Variants in NBPF26 observed in about 807,000 individuals in gnomAD.
The protein encoded by NBPF26 is NBPF member 26.
A neutral mutation model predicts 119.6 loss-of-function variants in NBPF26; 79 were observed. That is an observed-to-expected ratio of 0.66 (90% CI 0.55 to 0.80). NBPF26 has a LOEUF of 0.80. Ranked by LOEUF, NBPF26 falls within the 30% of genes least tolerant of loss-of-function variation. The probability of loss-of-function intolerance (pLI) is 0.00; values close to 1 mark genes in which losing one functional copy is unlikely to be tolerated. For synonymous variants in NBPF26, 299 were observed against 457.7 expected (o/e 0.65, Z 4.43); for missense variants, 800 against 1,198.2 (o/e 0.67, Z 4.91).
chr1:120,752,556 T>G (rs1248295723), intron 1 of NBPF26, among the ~76,000 whole-genome samples: 6 of 8,152 alleles, frequency 7.4e-4, no homozygotes, highest in African/African-American at 2.8e-3. Context: ...ATATATATAT[T>G]TTTTTTTTTT....
chr1:120,761,000 C>T (rs1242141860), intron 1 of NBPF26, among the ~76,000 whole-genome samples: 2 of 125,876 alleles, frequency 1.6e-5, no homozygotes, highest in Non-Finnish European at 3.3e-5. Context: ...AGAACCATGG[C>T]TCAGTAAATG....
At chr1:120,813,577 G>T (rs1453987173) in intron 10 of NBPF26, among the ~76,000 whole-genome samples, 7 of 125,202 alleles carry the variant, frequency 5.6e-5, no homozygotes, top group South Asian at 2.4e-4. Flanking sequence ...AGGCTGCAAG[G>T]CTTGGGAAAG....
intron 1 of NBPF26, among the ~76,000 whole-genome samples, chr1:120,735,189 G>T (rs1455292211): frequency 1.6e-5 from 1 of 64,200 alleles, no homozygotes; most frequent in Non-Finnish European, 2.9e-5. Context: ...TCAGCCTCCC[G>T]AGTAGCTGGA....
At chr1:120,802,197 C>G (rs2101482662) in intron 4 of NBPF26, among the ~76,000 whole-genome samples, 1 of 121,934 alleles carries the variant, frequency 8.2e-6, no homozygotes, top group East Asian at 2.0e-4. Context: ...GACTGCACAT[C>G]TGAGTCATGT....
intron 1 of NBPF26, among the ~76,000 whole-genome samples, chr1:120,759,109 G>A (rs1215042905): frequency 6.7e-5 from 5 of 74,552 alleles, no homozygotes; most frequent in South Asian, 3.8e-4. Context: ...TGTGCCTGCC[G>A]ATAGTAGATG....
chr1:120,806,642 G>T lies in NBPF26; in HGVS notation c.961+877G>T, dbSNP rs1210579569. On this transcript the variant is annotated intron_variant, in intron 5 of 29. Coordinates refer to ENST00000620612, the Ensembl canonical transcript of NBPF26. ...AAATCAAAAATAAAAATAAAAAGCAGAGAGTACCTTGGTGAGAGTGAAGTC... is the reference window on the plus strand; with the variant it reads ...AAATCAAAAATAAAAATAAAAAGCATAGAGTACCTTGGTGAGAGTGAAGTC... Among the ~76,000 whole-genome samples, 2 of 122,920 alleles carry T rather than the reference G, an allele frequency of 1.6e-5. 1 individual carries two copies. Among genetic ancestry groups the T allele is most frequent in the Non-Finnish European group, 3.3e-5 (2 of 60,714 alleles). 80.6% of individuals were successfully genotyped at this position (122,920 alleles called of 152,430 possible).
chr1:120,724,847 G>A (rs1650801031), intron 1 of NBPF26, among the ~76,000 whole-genome samples: 1 of 80,180 alleles, frequency 1.2e-5, no homozygotes, highest in Non-Finnish European at 2.3e-5. Flanking sequence ...TGTGCTGCTC[G>A]CGTCTTTGAA....
chr1:120,832,420 G>T (rs1652360322), intron 22 of NBPF26, among the ~76,000 whole-genome samples: 2 of 99,638 alleles, frequency 2.0e-5, no homozygotes, highest in Non-Finnish European at 3.6e-5. Context: ...GACCTGGGCA[G>T]ATGTGACAAA....
In NBPF26 at chr1:120,811,321, G is replaced by A. The variant is rs1189245037; in HGVS notation, c.1565-565G>A. On this transcript the variant is annotated intron_variant, in intron 9 of 29. Coordinates refer to ENST00000620612, the Ensembl canonical transcript of NBPF26. Reference sequence around the variant, plus strand: ...AACACTTTGGGAGGCCGAGGTGGGCGGAACACCTGAGCTCAGGAGTTCAAA... The same window carrying A: ...AACACTTTGGGAGGCCGAGGTGGGCAGAACACCTGAGCTCAGGAGTTCAAA... 1.3e-3 allele frequency among the ~76,000 whole-genome samples: 141 copies of A among 110,216 alleles called. 29 individuals are homozygous for A. Among genetic ancestry groups the A allele is most frequent in the East Asian group, 2.8e-3 (13 of 4,686 alleles). The allele number at this position is 110,216 out of a possible 152,430, so 72.3% of individuals were successfully genotyped here. A position where few individuals can be genotyped will look rare whatever the true frequency, so the allele number is the denominator to read the frequency against.
Position 120,754,256 on chromosome 1 carries a change from G to A in NBPF26, c.74-9372G>A, listed in dbSNP as rs1390871232. ...TTTACTAAAAGCACAGGAAATTGGT[G>A]ACAGGCAAAATTTGTCTTGATAATC... On this transcript the variant is annotated intron_variant, in intron 1 of 29. Transcript: ENST00000620612. Among the ~76,000 whole-genome samples the A allele has an allele frequency of 5.7e-5, 2 of 35,074 alleles. 1 individual carries two copies. The highest frequency in any genetic ancestry group is 9.7e-5 in the Non-Finnish European group (2 of 20,644). The allele number at this position is 35,074 out of a possible 152,430, so 23.0% of individuals were successfully genotyped here.
intron 2 of NBPF26, 129 bp from the exon 3 acceptor site, chr1:120,784,845 T>C (rs1651403532): frequency 2.9e-6 from 3 of 1,018,230 alleles, no homozygotes; most frequent in Non-Finnish European, 4.2e-6. Flanking sequence ...AGCAGTTTTA[T>C]AGGTGGTACT....
At chr1:120,782,783 G>T (rs1651381388) in intron 2 of NBPF26, among the ~76,000 whole-genome samples, 1 of 102,050 alleles carries the variant, frequency 9.8e-6, no homozygotes, top group Admixed American at 9.9e-5. Context: ...TATTATGTGG[G>T]CATATGTTTT....
rs1240452058 is a variant in NBPF26, at chr1:120,781,969, G to A, written c.156-3005G>A. Among the ~76,000 whole-genome samples, 22 of 103,368 alleles carry A rather than the reference G, an allele frequency of 2.1e-4. 8 individuals are homozygous for A. The highest frequency in any genetic ancestry group is 1.3e-3 in the African/African-American group (22 of 16,418). The allele number at this position is 103,368 out of a possible 152,430, so 67.8% of individuals were successfully genotyped here. Reference sequence around the variant, plus strand: ...AGAGACAATAGCTATCAAATGCTTAGCAAATATACAATACATAGTTAAGTA... The same window carrying A: ...AGAGACAATAGCTATCAAATGCTTAACAAATATACAATACATAGTTAAGTA... On this transcript the variant is annotated intron_variant, in intron 2 of 29. Coordinates refer to ENST00000620612, the Ensembl canonical transcript of NBPF26.
At chr1:120,784,464 G>C (rs1454109253) in intron 2 of NBPF26, among the ~76,000 whole-genome samples, 2 of 116,804 alleles carry the variant, frequency 1.7e-5, no homozygotes, top group South Asian at 2.5e-4. Context: ...CTGTGTTATG[G>C]CCTTTGCATT....
chr1:120,814,546 A>G (rs1386887465), intron 11 of NBPF26, among the ~76,000 whole-genome samples: 1 of 118,644 alleles, frequency 8.4e-6, no homozygotes, highest in East Asian at 2.0e-4. Context: ...AACTGAAAGG[A>G]TGTCTTTTTG....
In NBPF26 at chr1:120,814,574, C is replaced by T. The variant is rs1198760787; in HGVS notation, c.1878-255C>T. 1.6e-5 allele frequency among the ~76,000 whole-genome samples: 2 copies of T among 121,302 alleles called. 1 individual carries two copies. Among genetic ancestry groups the T allele is most frequent in the African/African-American group, 7.8e-5 (2 of 25,768 alleles). The allele number at this position is 121,302 out of a possible 152,430, so 79.6% of individuals were successfully genotyped here. ...TCTTTTTGAAAGGGAATTAGGAAGACACCTACTTTTGTTTACAGAAGAGAA... is the reference window on the plus strand; with the variant it reads ...TCTTTTTGAAAGGGAATTAGGAAGATACCTACTTTTGTTTACAGAAGAGAA... On this transcript the variant is annotated intron_variant, in intron 11 of 29. Coordinates refer to ENST00000620612, the Ensembl canonical transcript of NBPF26.
intron 1 of NBPF26, among the ~76,000 whole-genome samples, chr1:120,760,180 CTTT>C (rs1161423259): frequency 6.6e-5 from 1 of 15,166 alleles, no homozygotes; most frequent in Non-Finnish European, 1.3e-4. Flanking sequence ...TCTACCACAG[CTTT>C]TTTTTTTTTT....
intron 29 of NBPF26, 91 bp downstream of exon 35, chr1:120,839,831 T>A: frequency 7.5e-6 from 1 of 132,790 alleles, no homozygotes; most frequent in Non-Finnish European, 1.3e-5. Context: ...ATGTCATGTT[T>A]TCAACGAAGG....
downstream of NBPF26, chr1:120,840,799 C>T (rs1652505138): frequency 1.6e-6 from 1 of 611,046 alleles, no homozygotes; most frequent in Non-Finnish European, 2.6e-6. Flanking sequence ...GACACGTTCA[C>T]ATAACTGTGC....
Sources: allele counts gnomAD v4.1 joint callset (sites outside exome capture counted in the v4.1 genomes callset), GRCh38; gene constraint gnomAD v4.1.1; transcripts MANE v1.5; gene names NCBI Gene and HGNC (gene_info 2026-07-23, HGNC 2026-07-21).